The following CYP2C19 variants were observed in gnomAD, a reference collection of about 807,000 sequenced individuals.
The protein encoded by CYP2C19 is cytochrome P450 2C19.
A neutral mutation model predicts 40.9 loss-of-function variants in CYP2C19; 59 were observed. The observed-to-expected ratio is 1.44, with a 90% CI of 1.17 to 1.79. The LOEUF (loss-of-function observed/expected upper bound fraction) is 1.79, where lower values mean the gene tolerates loss of function less well. Among genes scored for constraint, CYP2C19 ranks in the 40% most tolerant of loss-of-function variants. The probability of loss-of-function intolerance (pLI) is 0.00; values close to 1 mark genes in which losing one functional copy is unlikely to be tolerated. For synonymous variants in CYP2C19, 253 were observed against 208.7 expected (o/e 1.21, Z -1.83); for missense variants, 754 against 596.9 (o/e 1.26, Z -2.74).
At chr10:94,798,620 G>T (rs905822881) in intron 5 of CYP2C19, among the ~76,000 whole-genome samples, 4 of 151,970 alleles carry the variant, frequency 2.6e-5, no homozygotes, top group African/African-American at 9.7e-5. Context: ...TATTGTGTGG[G>T]AGCCTAAGTC....
intron 6 of CYP2C19, among the ~76,000 whole-genome samples, chr10:94,841,191 T>C (rs1589375932): frequency 6.6e-6 from 1 of 152,188 alleles, no homozygotes; most frequent in East Asian, 1.9e-4. Context: ...TACTAAAAGC[T>C]GTGGGTCATG....
rs1468906664 is a variant in CYP2C19 at position 94,775,000 on chromosome 10, C to A, written c.169-58C>A. ...AATGAAAATATGAATCTAAGTCAGG[C>A]TTAGTAAATGGACAAAACAGTGACT... On this transcript the variant is annotated intron_variant, in intron 1 of 8. Coordinates refer to ENST00000371321, the MANE Select transcript of CYP2C19 (RefSeq NM_000769.4). The A allele has an allele frequency of 3.2e-6, 5 of 1,563,468 alleles. No individual in the cohort carries two copies. The African/African-American group carries it at 6.8e-5, about 21-fold the overall frequency.
intron 5 of CYP2C19, among the ~76,000 whole-genome samples, chr10:94,803,547 A>G (rs1261141737): frequency 1.3e-5 from 2 of 152,188 alleles, no homozygotes; most frequent in African/African-American, 4.8e-5. Context: ...CAGGGGAATC[A>G]AGATGGGTGG....
chr10:94,775,636 T>A, intron 3 of CYP2C19, 97 bp downstream of exon 3: 1 of 1,600,976 alleles, frequency 6.2e-7, no homozygotes, highest in Non-Finnish European at 8.6e-7. Flanking sequence ...ATCTTTTATT[T>A]GGAGTCCTGG....
chr10:94,802,834 C>T (rs1457751283), intron 5 of CYP2C19, among the ~76,000 whole-genome samples: 3 of 152,082 alleles, frequency 2.0e-5, no homozygotes, highest in Admixed American at 6.6e-5. Flanking sequence ...ATTTCTCCTT[C>T]ACTTATGAAA....
intron 6 of CYP2C19, among the ~76,000 whole-genome samples, chr10:94,821,746 C>A (rs1211622478): frequency 1.3e-5 from 2 of 152,028 alleles, no homozygotes; most frequent in Non-Finnish European, 2.9e-5. Flanking sequence ...AAGAGTTAGG[C>A]CTTTTTTTGA....
rs150358533 is a variant in CYP2C19 at position 94,847,486 on chromosome 10, A to G, written c.1150-2431A>G. Among the ~76,000 whole-genome samples, 1,364 of 152,278 alleles carry G rather than the reference A, an allele frequency of 9.0e-3. 23 individuals are homozygous for G. The highest frequency in any genetic ancestry group is 0.03 in the African/African-American group (1,238 of 41,542). On this transcript the variant is annotated intron_variant, in intron 7 of 8. Transcript: ENST00000371321. Reference sequence around the variant, plus strand: ...TTAATCCAGTCTATCATTGTTGGATATTTGGGTTGATTCCAAGTCGTTGCT... The same window carrying G: ...TTAATCCAGTCTATCATTGTTGGATGTTTGGGTTGATTCCAAGTCGTTGCT...
intron 3 of CYP2C19, among the ~76,000 whole-genome samples, chr10:94,778,649 G>A (rs544686007): frequency 3.3e-5 from 5 of 152,258 alleles, no homozygotes; most frequent in African/African-American, 1.2e-4. Flanking sequence ...AAATAGGAAA[G>A]CTTTTACACT....
At chr10:94,782,813 C>A (rs1848496449) in intron 5 of CYP2C19, among the ~76,000 whole-genome samples, 2 of 152,056 alleles carry the variant, frequency 1.3e-5, no homozygotes, top group South Asian at 4.1e-4. Context: ...TCTGCAGGGA[C>A]ATAGATGAAG....
At chr10:94,821,435 G>GA (rs752119212) in intron 6 of CYP2C19, among the ~76,000 whole-genome samples, 24 of 152,156 alleles carry the variant, frequency 1.6e-4, no homozygotes, top group Non-Finnish European at 2.9e-4. Flanking sequence ...GAGGCTGCCT[G>GA]AAAAAATTCC....
intron 5 of CYP2C19, among the ~76,000 whole-genome samples, chr10:94,805,642 G>A (rs1848824230): frequency 6.6e-6 from 1 of 152,126 alleles, no homozygotes; most frequent in Non-Finnish European, 1.5e-5. Context: ...CCAGCACTTT[G>A]GGAGGTTGAG....
At chr10:94,786,451 T>C (rs1465045183) in intron 5 of CYP2C19, among the ~76,000 whole-genome samples, 1 of 152,116 alleles carries the variant, frequency 6.6e-6, no homozygotes, top group Non-Finnish European at 1.5e-5. Context: ...GAAAGGCAAG[T>C]TTACCTTAAA....
At chr10:94,777,632 A>C (rs4362080) in intron 3 of CYP2C19, among the ~76,000 whole-genome samples, 1 of 151,972 alleles carries the variant, frequency 6.6e-6, no homozygotes, top group African/African-American at 2.4e-5. Flanking sequence ...CCTTCCTTTC[A>C]TCTTATAAAA....
chr10:94,843,423 G>A (rs1372094653), intron 7 of CYP2C19, among the ~76,000 whole-genome samples: 1 of 152,130 alleles, frequency 6.6e-6, no homozygotes, highest in East Asian at 1.9e-4. Flanking sequence ...ATATAATTAT[G>A]CTTCCAATTT....
intron 6 of CYP2C19, among the ~76,000 whole-genome samples, chr10:94,827,627 T>G (rs939067236): frequency 1.3e-5 from 2 of 152,226 alleles, no homozygotes; most frequent in Non-Finnish European, 2.9e-5. Context: ...CCTGGATTCA[T>G]TAATTTTTTG....
rs879700448 is a variant in CYP2C19 at position 94,853,793 on chromosome 10, G to T, written c.*879G>T. Among the ~76,000 whole-genome samples the T allele has an allele frequency of 6.6e-6, 1 of 151,984 alleles. No individual in the cohort carries two copies. Among genetic ancestry groups the T allele is most frequent in the Non-Finnish European group, 1.5e-5 (1 of 67,984 alleles). ...AATCTGCTGACCTCCTGATCTGCCT[G>T]CCTCAGCCTCCCAAAGTGCTGGGAT... On this transcript the variant is annotated 3_prime_UTR_variant, in exon 9 of 9. Transcript: ENST00000371321.
At chr10:94,803,471 C>G (rs1848793411) in intron 5 of CYP2C19, among the ~76,000 whole-genome samples, 1 of 152,174 alleles carries the variant, frequency 6.6e-6, no homozygotes. Flanking sequence ...GGGGGATCTT[C>G]TTTGTTTCCT....
In CYP2C19 at chr10:94,775,432, G is replaced by T; in HGVS notation, c.374G>T (p.Arg125Leu). The T allele has an allele frequency of 6.2e-7, 1 of 1,614,050 alleles. No homozygotes were observed. Among genetic ancestry groups the T allele is most frequent in the Non-Finnish European group, 8.5e-7 (1 of 1,180,018 alleles). ...GGAAAGAGATGGAAGGAGATCCGGC[G>T]TTTCTCCCTCATGACGCTGCGGAAT... The part of the protein sequence containing the change: ...SNGKRWKEIR[R>L]FSLMTLRNFG... The change falls in exon 3 of 9, where the codon CGT (arginine) becomes CTT (leucine). Residue 125 changes from arginine to leucine, a missense_variant. Physicochemically the swap from Arg to Leu is moderately radical, Grantham distance 102 (BLOSUM62 -2). Coordinates refer to ENST00000371321, the MANE Select transcript of CYP2C19 (RefSeq NM_000769.4).
At chr10:94,848,126 G>A (rs1405641259) in intron 7 of CYP2C19, among the ~76,000 whole-genome samples, 1 of 152,090 alleles carries the variant, frequency 6.6e-6, no homozygotes, top group African/African-American at 2.4e-5. Flanking sequence ...CATTGCTTTT[G>A]GTGTTTTAGA....
Sources: allele counts gnomAD v4.1 joint callset (sites outside exome capture counted in the v4.1 genomes callset), GRCh38; gene constraint gnomAD v4.1.1; transcripts MANE v1.5; gene names NCBI Gene and HGNC (gene_info 2026-07-23, HGNC 2026-07-21).